DAPK1: variants seen among roughly 807,000 people sequenced by gnomAD.
DAPK1 encodes death-associated protein kinase 1.
A neutral mutation model predicts 144.9 loss-of-function variants in DAPK1; 56 were observed. The observed-to-expected ratio is 0.39, with a 90% CI of 0.31 to 0.48. The LOEUF (loss-of-function observed/expected upper bound fraction) is 0.48, where lower values mean the gene tolerates loss of function less well. DAPK1 is among the 20% of genes least tolerant of loss of function. DAPK1 has a pLI of 0.95. For missense variants in DAPK1, 1,454 were observed against 1,875.4 expected, an observed-to-expected ratio of 0.78 and a Z score of 4.15; for synonymous variants, 690 against 749.0, an observed-to-expected ratio of 0.92 and a Z score of 1.29.
chr9:87,697,204 GGTGA>G lies in DAPK1; in HGVS notation c.2611+2_2611+5del. On this transcript the variant is annotated splice_donor_variant and splice_donor_region_variant and intron_variant, in intron 22 of 25. Coordinates refer to ENST00000408954, the MANE Select transcript of DAPK1 (RefSeq NM_004938.4). LOFTEE classifies it high-confidence loss of function. ...CCTTGTCCCAGTTGAAGAACCCATAGGTGAGCTAAGTCCCTGCAGGCCAGTGATG... is the reference window on the plus strand; with the variant it reads ...CCTTGTCCCAGTTGAAGAACCCATAGGCTAAGTCCCTGCAGGCCAGTGATG... 1 of 1,440,002 alleles carries G rather than the reference GGTGA, an allele frequency of 6.9e-7. No individual in the cohort carries two copies. Among genetic ancestry groups the G allele is most frequent in the Non-Finnish European group, 9.8e-7 (1 of 1,021,334 alleles). 89.2% of individuals were successfully genotyped at this position (1,440,002 alleles called of 1,614,324 possible). A position where few individuals can be genotyped will look rare whatever the true frequency, so the allele number is the denominator to read the frequency against.
At chr9:87,594,606 G>A (rs1452970549) in intron 2 of DAPK1, among the ~76,000 whole-genome samples, 1 of 152,216 alleles carries the variant, frequency 6.6e-6, no homozygotes, top group East Asian at 1.9e-4. Context: ...GCTCCTTCCT[G>A]TCACCACCAT....
intron 25 of DAPK1, among the ~76,000 whole-genome samples, chr9:87,703,692 G>C (rs1351878927): frequency 6.6e-6 from 1 of 152,156 alleles, no homozygotes; most frequent in African/African-American, 2.4e-5. Context: ...GAGAACTCTG[G>C]TGCACAGATA....
chr9:87,655,689 T>G (rs1025336766), intron 17 of DAPK1, among the ~76,000 whole-genome samples: 1 of 152,228 alleles, frequency 6.6e-6, no homozygotes, highest in Non-Finnish European at 1.5e-5. Flanking sequence ...GCATTCTTCC[T>G]CCTTCTCATA....
chr9:87,607,134 T>C (rs1828761516), intron 3 of DAPK1, among the ~76,000 whole-genome samples: 1 of 152,050 alleles, frequency 6.6e-6, no homozygotes, highest in African/African-American at 2.4e-5. Context: ...AGGACTTGCT[T>C]AGGGTACAAC....
chr9:87,669,140 A>G (rs1424131997), intron 19 of DAPK1, among the ~76,000 whole-genome samples: 1 of 152,206 alleles, frequency 6.6e-6, no homozygotes, highest in Non-Finnish European at 1.5e-5. Flanking sequence ...AGACTTCACA[A>G]TAGCCATACC....
intron 11 of DAPK1, among the ~76,000 whole-genome samples, chr9:87,643,839 A>G (rs1830180854): frequency 6.6e-6 from 1 of 152,190 alleles, no homozygotes; most frequent in South Asian, 2.1e-4. Flanking sequence ...AGCCAGCAGA[A>G]GAGAAAAGAG....
At chr9:87,651,381 G>T in intron 16 of DAPK1, 146 bp from the exon 17 acceptor site, 1 of 724,244 alleles carries the variant, frequency 1.4e-6, no homozygotes, top group Non-Finnish European at 2.3e-6. Flanking sequence ...TAGGAGTAAA[G>T]TTTCTTCATT....
chr9:87,621,125 C>G (rs538051137), intron 3 of DAPK1, among the ~76,000 whole-genome samples: 1 of 152,340 alleles, frequency 6.6e-6, no homozygotes, highest in African/African-American at 2.4e-5. Flanking sequence ...TACCCTCCCT[C>G]CTCCAAGTAT....
At chr9:87,668,865 A>G (rs900749149) in intron 19 of DAPK1, 191 bp downstream of exon 19, 2 of 569,536 alleles carry the variant, frequency 3.5e-6, no homozygotes, top group South Asian at 2.1e-5. Flanking sequence ...TTTCTTCTCT[A>G]TTTGGACTTG....
rs1423504020 is a variant in DAPK1 at position 87,708,628 on chromosome 9, T to TG, written c.*1265dup. The TG allele has an allele frequency of 1.3e-5, 2 of 152,584 alleles. No homozygotes were observed. Among genetic ancestry groups the TG allele is most frequent in the African/African-American group, 4.8e-5 (2 of 41,442 alleles). 9.5% of individuals were successfully genotyped at this position (152,584 alleles called of 1,614,324 possible). On this transcript the variant is annotated 3_prime_UTR_variant, in exon 26 of 26. Transcript: ENST00000408954. Reference sequence around the variant, plus strand: ...TTTTTATAAATAAACTGTTGCTCGTTGCATTAGTTTTTTTGATCTTTAATT... The same window carrying TG: ...TTTTTATAAATAAACTGTTGCTCGTTGGCATTAGTTTTTTTGATCTTTAATT...
rs34492541 is a variant in DAPK1 at position 87,528,871 on chromosome 9, C to CAA, written c.62+29751_62+29752dup. ...TGGGTGACAGAGCAAGACTCCATCT[C>CAA]AAAAAAAAAAAAAAAAAAAATCACC... On this transcript the variant is annotated intron_variant, in intron 2 of 25. Transcript: ENST00000408954. Among the ~76,000 whole-genome samples, 1,011 of 104,856 alleles carry CAA rather than the reference C, an allele frequency of 9.6e-3. 12 individuals carry two copies. Among genetic ancestry groups the CAA allele is most frequent in the Admixed American group, 0.034 (331 of 9,612 alleles). The allele number at this position is 104,856 out of a possible 152,430, so 68.8% of individuals were successfully genotyped here.
At chr9:87,602,624 T>A (rs1451481103) in intron 2 of DAPK1, among the ~76,000 whole-genome samples, 1 of 151,884 alleles carries the variant, frequency 6.6e-6, no homozygotes, top group African/African-American at 2.4e-5. Context: ...AGGATTTTCT[T>A]TTTTCTTTTT....
At chr9:87,570,680 A>G (rs966808337) in intron 2 of DAPK1, among the ~76,000 whole-genome samples, 4 of 152,250 alleles carry the variant, frequency 2.6e-5, no homozygotes, top group South Asian at 2.1e-4. Context: ...GGAATTCTTT[A>G]TAGGAAGGAG....
chr9:87,648,932 G>A lies in DAPK1; in HGVS notation c.1428+53G>A, dbSNP rs36213352. The A allele has an allele frequency of 6.8e-4, 985 of 1,452,088 alleles. 9 individuals are homozygous for A. The African/African-American group carries it at 0.012, about 17-fold the overall frequency. 90.0% of individuals were successfully genotyped at this position (1,452,088 alleles called of 1,614,324 possible). On this transcript the variant is annotated intron_variant, in intron 15 of 25. Coordinates refer to ENST00000408954, the MANE Select transcript of DAPK1 (RefSeq NM_004938.4). ...CTCTGCTCTATACATGAATGTACAG[G>A]CAGCCAGATGGTACAGTCGGGGCCT...
At chr9:87,507,938 C>G (rs1824671220) in intron 2 of DAPK1, among the ~76,000 whole-genome samples, 1 of 152,136 alleles carries the variant, frequency 6.6e-6, no homozygotes, top group Non-Finnish European at 1.5e-5. Flanking sequence ...TAAATTTTCA[C>G]CTACAAAAAT....
intron 2 of DAPK1, among the ~76,000 whole-genome samples, chr9:87,591,789 A>G (rs1021954913): frequency 6.6e-6 from 1 of 152,218 alleles, no homozygotes; most frequent in African/African-American, 2.4e-5. Flanking sequence ...ATTTTGATTT[A>G]TTAAGATTGT....
intron 18 of DAPK1, among the ~76,000 whole-genome samples, chr9:87,664,343 GCA>G (rs1830974892): frequency 6.6e-6 from 1 of 152,128 alleles, no homozygotes; most frequent in African/African-American, 2.4e-5. Flanking sequence ...CACAGCATCA[GCA>G]CACACAGGCA....
intron 2 of DAPK1, among the ~76,000 whole-genome samples, chr9:87,576,016 C>T (rs1321632014): frequency 6.6e-6 from 1 of 152,182 alleles, no homozygotes; most frequent in Non-Finnish European, 1.5e-5. Flanking sequence ...AAAATGCCTT[C>T]CGTGGTTCAA....
At chr9:87,672,479 C>T (rs1489403824) in intron 19 of DAPK1, among the ~76,000 whole-genome samples, 3 of 152,126 alleles carry the variant, frequency 2.0e-5, no homozygotes, top group South Asian at 2.1e-4. Context: ...TGGGATATGT[C>T]CTTTCCACAC....
Sources: gnomAD v4.1 joint callset for allele counts (sites outside exome capture counted in the v4.1 genomes callset) on GRCh38, gnomAD v4.1.1 for gene constraint, MANE v1.5 for transcripts, NCBI Gene and HGNC (gene_info 2026-07-23, HGNC 2026-07-21) for gene names.